Variants in NR2C2 observed in about 807,000 individuals in gnomAD.
NR2C2 encodes the protein nuclear receptor subfamily 2 group C member 2.
NR2C2 carries 6 observed loss-of-function variants against 62.9 expected under a neutral mutation model. The observed-to-expected ratio is 0.10, with a 90% CI of 0.05 to 0.19. NR2C2 has a LOEUF of 0.19. NR2C2 is among the 10% of genes least tolerant of loss of function. The pLI is 1.00. For synonymous variants in NR2C2, 272 were observed against 273.8 expected (o/e 0.99, Z 0.07); for missense variants, 479 against 762.7 (o/e 0.63, Z 4.38).
At chr3:15,034,647 C>T (rs1330708726) in intron 10 of NR2C2, 23 bp from the exon 11 acceptor site, 22 of 1,611,286 alleles carry the variant, frequency 1.4e-5, no homozygotes, top group Non-Finnish European at 1.8e-5. Flanking sequence ...ACACCACACT[C>T]AGACTCCTTT....
At chr3:14,969,362 C>T (rs2039969343) in intron 1 of NR2C2, among the ~76,000 whole-genome samples, 2 of 151,368 alleles carry the variant, frequency 1.3e-5, no homozygotes, top group Non-Finnish European at 2.9e-5. Context: ...CCCGCCTTAG[C>T]CTCCCGAGTA....
intron 1 of NR2C2, among the ~76,000 whole-genome samples, chr3:14,960,848 T>C (rs2125245428): frequency 6.6e-6 from 1 of 152,346 alleles, no homozygotes; most frequent in African/African-American, 2.4e-5. Flanking sequence ...CTTGTATTTT[T>C]AACAAGTCAG....
intron 1 of NR2C2, among the ~76,000 whole-genome samples, chr3:14,984,567 T>C (rs1041332693): frequency 1.3e-5 from 2 of 152,218 alleles, no homozygotes; most frequent in African/African-American, 4.8e-5. Flanking sequence ...TGTCCACTTT[T>C]TTTGTCTTGC....
Position 14,959,774 on chromosome 3 carries a change from AC to A in NR2C2, c.-40+11869del, listed in dbSNP as rs1574927049. 3.3e-5 allele frequency: 5 copies of A among 152,360 alleles called. No individual in the cohort carries two copies. In the East Asian group the frequency reaches 9.6e-4, roughly 29 times the overall value. 9.4% of individuals were successfully genotyped at this position (152,360 alleles called of 1,614,324 possible). The stretch of plus-strand genomic sequence containing the variant: ...CTTGTCCTATCAGAGAGCAAGACTT[AC>A]GCTAACACTGCAGTAAAAAGATAGT... On this transcript the variant is annotated intron_variant, in intron 1 of 13. Coordinates refer to ENST00000425241, the MANE Select transcript of NR2C2 (RefSeq NM_001291694.2).
intron 1 of NR2C2, among the ~76,000 whole-genome samples, chr3:14,970,322 A>G (rs909586055): frequency 1.6e-4 from 24 of 152,022 alleles, no homozygotes; most frequent in Admixed American, 6.5e-4. Flanking sequence ...TTTGTTTTTA[A>G]TTGCGGTAAA....
intron 1 of NR2C2, among the ~76,000 whole-genome samples, chr3:14,962,092 T>C (rs1285503432): frequency 1.3e-5 from 2 of 152,052 alleles, no homozygotes; most frequent in African/African-American, 4.8e-5. Flanking sequence ...TCCAAAAAGG[T>C]GTGATTCCCA....
chr3:14,963,783 C>T (rs755787430), intron 1 of NR2C2, among the ~76,000 whole-genome samples: 15 of 152,050 alleles, frequency 9.9e-5, no homozygotes, highest in Admixed American at 2.6e-4. Context: ...CACAAATTTA[C>T]GTTCAAAGAG....
chr3:14,964,197 T>A (rs1296559172), intron 1 of NR2C2, among the ~76,000 whole-genome samples: 1 of 152,142 alleles, frequency 6.6e-6, no homozygotes, highest in Non-Finnish European at 1.5e-5. Context: ...AAAATCAAAT[T>A]TCTAAATAAA....
intron 1 of NR2C2, among the ~76,000 whole-genome samples, chr3:14,977,842 G>A (rs919559034): frequency 6.6e-6 from 1 of 151,688 alleles, no homozygotes; most frequent in Non-Finnish European, 1.5e-5. Flanking sequence ...GTGTGTGCCT[G>A]TAGTCCCAGC....
chr3:15,011,995 G>A (rs934136936), intron 2 of NR2C2, among the ~76,000 whole-genome samples: 1 of 152,170 alleles, frequency 6.6e-6, no homozygotes, highest in Non-Finnish European at 1.5e-5. Context: ...TCCCCCAATA[G>A]AAGTTTAGTT....
rs372842919 is a variant in NR2C2 at position 15,032,644 on chromosome 3, G to A, written c.1232+144G>A. The A allele has an allele frequency of 2.5e-5, 23 of 930,532 alleles. No individual in the cohort carries two copies. In the East Asian group the frequency reaches 5.7e-4, roughly 23 times the overall value. The allele number at this position is 930,532 out of a possible 1,614,324, so 57.6% of individuals were successfully genotyped here. On this transcript the variant is annotated intron_variant, in intron 10 of 13. Transcript: ENST00000425241. ...GACCCTGAGTTTTTTATTAAATATA[G>A]TTAGTGGACTGGTAGCAGGATTACC...
At chr3:15,014,155 C>T (rs556443417) in intron 3 of NR2C2, among the ~76,000 whole-genome samples, 3 of 152,296 alleles carry the variant, frequency 2.0e-5, no homozygotes, top group Admixed American at 6.5e-5. Flanking sequence ...AGGCGAGAAC[C>T]GACTTGTCCA....
At chr3:14,983,327 T>A (rs1056614368) in intron 1 of NR2C2, among the ~76,000 whole-genome samples, 6 of 152,228 alleles carry the variant, frequency 3.9e-5, no homozygotes, top group South Asian at 2.1e-4. Flanking sequence ...TCTTTTTTTT[T>A]ATGATCTGAG....
At chr3:14,996,895 A>G (rs538371125) in intron 1 of NR2C2, among the ~76,000 whole-genome samples, 2 of 152,350 alleles carry the variant, frequency 1.3e-5, no homozygotes, top group South Asian at 4.1e-4. Context: ...GTGACAGTAC[A>G]AGTTTCAGAG....
intron 1 of NR2C2, among the ~76,000 whole-genome samples, chr3:14,973,826 GT>G (rs552578580): frequency 1.5e-3 from 234 of 151,790 alleles, no homozygotes; most frequent in African/African-American, 5.6e-3. Context: ...TCTCTTAACC[GT>G]TTTTAAGTAC....
chr3:15,040,177 A>AC (rs1491200895), intron 13 of NR2C2, among the ~76,000 whole-genome samples: 3 of 151,178 alleles, frequency 2.0e-5, no homozygotes, highest in Non-Finnish European at 4.4e-5. Flanking sequence ...AAAAAAAAAA[A>AC]CAACAAAAAA....
At chr3:15,039,313 C>T in intron 13 of NR2C2, 86 bp downstream of exon 13, 2 of 882,874 alleles carry the variant, frequency 2.3e-6, no homozygotes, top group South Asian at 1.4e-5. Flanking sequence ...TTATGTTAAC[C>T]TTTCCATTTT....
intron 1 of NR2C2, among the ~76,000 whole-genome samples, chr3:14,994,770 C>G (rs1391329976): frequency 7.4e-6 from 1 of 136,002 alleles, no homozygotes; most frequent in Non-Finnish European, 1.6e-5. Flanking sequence ...AAAAAAAAAG[C>G]CAGCTGTGGT....
intron 1 of NR2C2, among the ~76,000 whole-genome samples, chr3:14,988,880 TTGTA>T (rs1346853618): frequency 2.6e-5 from 4 of 152,162 alleles, no homozygotes; most frequent in Admixed American, 6.5e-5. Context: ...AAACTTCTGT[TTGTA>T]TGTGTGGAGT....
Sources: allele counts gnomAD v4.1 joint callset (sites outside exome capture counted in the v4.1 genomes callset), GRCh38; gene constraint gnomAD v4.1.1; transcripts MANE v1.5; gene names NCBI Gene and HGNC (gene_info 2026-07-23, HGNC 2026-07-21).